The following TLN2 variants were observed in gnomAD, a reference collection of about 807,000 sequenced individuals.
TLN2 encodes talin-2.
TLN2 carries 118 observed loss-of-function variants against 294.7 expected under a neutral mutation model. That is an observed-to-expected ratio of 0.40 (90% confidence interval 0.34 to 0.47). TLN2 has a LOEUF of 0.47. Ranked by LOEUF, TLN2 falls within the 20% of genes least tolerant of loss-of-function variation. TLN2 has a pLI of 0.84. For missense variants in TLN2, 3,083 were observed against 3,282.2 expected, an observed-to-expected ratio of 0.94 and a Z score of 1.48; for synonymous variants, 1,431 against 1,304.5, an observed-to-expected ratio of 1.10 and a Z score of -2.09.
At chr15:62,544,677 C>T (rs2041890014) in intron 1 of TLN2, among the ~76,000 whole-genome samples, 1 of 151,876 alleles carries the variant, frequency 6.6e-6, no homozygotes, top group South Asian at 2.1e-4. Context: ...TCATCATCAT[C>T]TACCCTTTTA....
chr15:62,439,823 G>A (rs945889798), intron 1 of TLN2, among the ~76,000 whole-genome samples: 1 of 152,130 alleles, frequency 6.6e-6, no homozygotes, highest in East Asian at 1.9e-4. Context: ...TTACAATTTC[G>A]AAAGTTGATT....
At chr15:62,745,124 C>T (rs2061543688) in intron 32 of TLN2, among the ~76,000 whole-genome samples, 1 of 152,354 alleles carries the variant, frequency 6.6e-6, no homozygotes, top group East Asian at 1.9e-4. Context: ...TCAACTGAAC[C>T]TATTCAGCAT....
At chr15:62,465,907 TA>T (rs1317755462) in intron 1 of TLN2, among the ~76,000 whole-genome samples, 12 of 152,266 alleles carry the variant, frequency 7.9e-5, no homozygotes, top group Admixed American at 6.5e-4. Context: ...TCATAGGTTT[TA>T]GGATTGGAAG....
At chr15:62,802,978 T>C (rs984447079) in intron 50 of TLN2, among the ~76,000 whole-genome samples, 4 of 152,240 alleles carry the variant, frequency 2.6e-5, no homozygotes, top group African/African-American at 7.2e-5. Context: ...ATTAACCCCT[T>C]GTCAGATATG....
intron 3 of TLN2, among the ~76,000 whole-genome samples, chr15:62,628,021 G>A (rs989139544): frequency 6.6e-6 from 1 of 152,148 alleles, no homozygotes; most frequent in Non-Finnish European, 1.5e-5. Context: ...CTGTCAACAT[G>A]GGAAGCAAAC....
rs575809496 is a variant in TLN2, at chr15:62,597,800, A to G, written c.-162+8038A>G. ...CATGAAGTTTATTTATGTTTTACAT[A>G]TACCTGATACACATAGTCTGAAGGT... On this transcript the variant is annotated intron_variant, in intron 2 of 58. Transcript: ENST00000636159. Among the ~76,000 whole-genome samples the G allele has an allele frequency of 3.3e-5, 5 of 152,354 alleles. No individual in the cohort carries two copies. The South Asian group carries it at 1.0e-3, about 32-fold the overall frequency.
chr15:62,698,353 C>G (rs776487766), intron 15 of TLN2, among the ~76,000 whole-genome samples: 1 of 152,136 alleles, frequency 6.6e-6, no homozygotes, highest in Non-Finnish European at 1.5e-5. Context: ...GTACATTGAC[C>G]GTAGATTTAG....
intron 10 of TLN2, 71 bp downstream of exon 10, chr15:62,673,961 C>T (rs963673028): frequency 8.1e-7 from 1 of 1,227,576 alleles, no homozygotes; most frequent in South Asian, 1.3e-5. Context: ...GAGGGGGCCT[C>T]TGCGCATGGT....
chr15:62,633,081 T>C (rs1310810811), intron 3 of TLN2, among the ~76,000 whole-genome samples: 1 of 152,202 alleles, frequency 6.6e-6, no homozygotes, highest in Non-Finnish European at 1.5e-5. Flanking sequence ...ATCAATCATA[T>C]CCTATTCTCA....
chr15:62,658,763 G>A (rs1045366646), intron 9 of TLN2, among the ~76,000 whole-genome samples: 1 of 152,090 alleles, frequency 6.6e-6, no homozygotes. Context: ...CTTCTCTTCC[G>A]CCACCTATCG....
chr15:62,558,452 C>A (rs566491021), intron 1 of TLN2, among the ~76,000 whole-genome samples: 1 of 152,244 alleles, frequency 6.6e-6, no homozygotes, highest in African/African-American at 2.4e-5. Flanking sequence ...GATGTAGTTC[C>A]TATAGAAGAA....
chr15:62,487,519 T>G (rs2038468276), intron 1 of TLN2, among the ~76,000 whole-genome samples: 1 of 152,278 alleles, frequency 6.6e-6, no homozygotes, highest in South Asian at 2.1e-4. Context: ...GCAGACCTAT[T>G]GTTCCCACTT....
At chr15:62,627,573 C>G (rs1393518638) in intron 3 of TLN2, among the ~76,000 whole-genome samples, 1 of 152,188 alleles carries the variant, frequency 6.6e-6, no homozygotes, top group Admixed American at 6.5e-5. Context: ...GAGGCTAACA[C>G]AGAAATTGAA....
At chr15:62,761,973 AAC>A (rs779531691) in intron 38 of TLN2, 152 bp downstream of exon 38, 34 of 1,090,622 alleles carry the variant, frequency 3.1e-5, no homozygotes, top group Non-Finnish European at 4.6e-5. Context: ...CAGTTAGTGA[AAC>A]ACAATGACTA....
At chr15:62,678,697 G>A (rs1470077146) in intron 11 of TLN2, among the ~76,000 whole-genome samples, 1 of 152,154 alleles carries the variant, frequency 6.6e-6, no homozygotes, top group Non-Finnish European at 1.5e-5. Context: ...TAGATGTGGT[G>A]GTGCACATCT....
At chr15:62,477,981 AGAAAC>A (rs1407897190) in intron 1 of TLN2, among the ~76,000 whole-genome samples, 2 of 152,146 alleles carry the variant, frequency 1.3e-5, no homozygotes, top group African/African-American at 4.8e-5. Flanking sequence ...AGACCTTCTC[AGAAAC>A]GTTGCTTTAC....
Position 62,557,598 on chromosome 15 carries a change from C to T in TLN2, c.-237-32089C>T, listed in dbSNP as rs145719609. Among the ~76,000 whole-genome samples the T allele has an allele frequency of 3.1e-3, 470 of 152,244 alleles. 4 individuals carry two copies. Among genetic ancestry groups the T allele is most frequent in the African/African-American group, 9.4e-3 (389 of 41,542 alleles). On this transcript the variant is annotated intron_variant, in intron 1 of 58. Transcript: ENST00000636159. Reference sequence around the variant, plus strand: ...TGGGAACACTGCAGTGGCGTGATCTCGGCTCACTGCAACCTCCACCTCCAC... The same window carrying T: ...TGGGAACACTGCAGTGGCGTGATCTTGGCTCACTGCAACCTCCACCTCCAC...
intron 1 of TLN2, among the ~76,000 whole-genome samples, chr15:62,441,241 A>C (rs1047646523): frequency 2.6e-5 from 4 of 152,126 alleles, no homozygotes; most frequent in Non-Finnish European, 5.9e-5. Flanking sequence ...TTACTTATCT[A>C]ATATTTTTGA....
At chr15:62,393,890 C>T (rs1291884751) in intron 1 of TLN2, among the ~76,000 whole-genome samples, 2 of 150,366 alleles carry the variant, frequency 1.3e-5, no homozygotes, top group Non-Finnish European at 2.9e-5. Flanking sequence ...GCTCTGTCAC[C>T]TCAGCCTTCC....
Sources: gnomAD v4.1 joint callset for allele counts (sites outside exome capture counted in the v4.1 genomes callset) on GRCh38, gnomAD v4.1.1 for gene constraint, MANE v1.5 for transcripts, NCBI Gene and HGNC (gene_info 2026-07-23, HGNC 2026-07-21) for gene names.